MBNL2: variants seen among roughly 807,000 people sequenced by gnomAD.
MBNL2 encodes the protein muscleblind like splicing regulator 2.
MBNL2 carries 17 observed loss-of-function variants against 41.9 expected under a neutral mutation model. The observed-to-expected ratio is 0.41, with a 90% confidence interval of 0.28 to 0.61. MBNL2 has a LOEUF of 0.61. Ranked by LOEUF, MBNL2 falls within the 20% of genes least tolerant of loss-of-function variation. The pLI is 0.35. For missense variants in MBNL2, 336 were observed against 505.6 expected (o/e 0.66, Z 3.22); for synonymous variants, 195 against 182.9 (o/e 1.07, Z -0.53).
At chr13:97,287,369 G>A (rs183640814) in intron 2 of MBNL2, among the ~76,000 whole-genome samples, 64 of 152,292 alleles carry the variant, frequency 4.2e-4, no homozygotes, top group African/African-American at 1.5e-3. Context: ...TCTCATTAAA[G>A]TAAATTCATT....
the MBNL2 span, among the ~76,000 whole-genome samples, chr13:97,189,147 G>C: frequency 6.6e-6 from 1 of 151,944 alleles, no homozygotes; most frequent in African/African-American, 2.4e-5. Flanking sequence ...CCTAACCTCA[G>C]CCTCCCAAAA....
intron 1 of MBNL2, among the ~76,000 whole-genome samples, chr13:97,236,701 C>T (rs1482819550): frequency 6.6e-6 from 1 of 152,060 alleles, no homozygotes; most frequent in Non-Finnish European, 1.5e-5. Context: ...TCTGTTCCCG[C>T]CTATAATCAG....
At chr13:97,202,116 C>T in the MBNL2 span, among the ~76,000 whole-genome samples, 2 of 152,102 alleles carry the variant, frequency 1.3e-5, no homozygotes, top group African/African-American at 4.8e-5. Flanking sequence ...TTTAGAAATA[C>T]ATATTGAAAT....
In MBNL2 at chr13:97,247,177, TTAAC is replaced by T. The variant is rs529866029; in HGVS notation, c.-605+24651_-605+24654del. ...AAAGATAATAATTGTATTAAAAATT[TTAAC>T]TAACACATGAAGAGAGCTTCGAGAT... On this transcript the variant is annotated intron_variant, in intron 1 of 8. Transcript: ENST00000679496. 3.3e-4 allele frequency among the ~76,000 whole-genome samples: 50 copies of T among 152,344 alleles called. No individual in the cohort carries two copies. The South Asian group carries it at 8.5e-3, about 26-fold the overall frequency.
At chr13:97,239,204 A>G (rs2043826469) in intron 1 of MBNL2, among the ~76,000 whole-genome samples, 1 of 152,224 alleles carries the variant, frequency 6.6e-6, no homozygotes. Flanking sequence ...TTTTCCCTTC[A>G]TACTACAGGG....
At chr13:97,212,688 T>C in the MBNL2 span, among the ~76,000 whole-genome samples, 10 of 152,142 alleles carry the variant, frequency 6.6e-5, no homozygotes, top group Admixed American at 5.2e-4. Context: ...ATAATAATAG[T>C]GTCATGGATT....
chr13:97,322,803 A>G (rs1299401270), intron 2 of MBNL2, among the ~76,000 whole-genome samples: 1 of 152,154 alleles, frequency 6.6e-6, no homozygotes, highest in African/African-American at 2.4e-5. Context: ...ACCAGCAACC[A>G]AGGCACTCTG....
chr13:97,188,556 A>G, the MBNL2 span, among the ~76,000 whole-genome samples: 2 of 151,982 alleles, frequency 1.3e-5, no homozygotes, highest in African/African-American at 2.4e-5. Flanking sequence ...TGAATCAACC[A>G]GCTGAGTGAA....
chr13:97,274,837 G>A (rs1234239574), intron 1 of MBNL2, among the ~76,000 whole-genome samples: 2 of 152,198 alleles, frequency 1.3e-5, no homozygotes, highest in Non-Finnish European at 2.9e-5. Flanking sequence ...GTAGCCATGT[G>A]TTTTAACTCC....
In MBNL2 at chr13:97,252,511, A is replaced by AT. The variant is rs1594097300; in HGVS notation, c.-604-23120dup. On this transcript the variant is annotated intron_variant, in intron 1 of 8. Transcript: ENST00000679496. ...TTTTAGATGACAAGAATCTACAAAT[A>AT]TCTTTCAATTATATTCAAATATTAT... Among the ~76,000 whole-genome samples, 5 of 152,376 alleles carry AT rather than the reference A, an allele frequency of 3.3e-5. No homozygotes were observed. In the East Asian group the frequency reaches 9.6e-4, roughly 29 times the overall value.
chr13:97,231,271 T>C (rs1355554020), intron 1 of MBNL2, among the ~76,000 whole-genome samples: 2 of 152,260 alleles, frequency 1.3e-5, no homozygotes, highest in African/African-American at 2.4e-5. Context: ...AACTCTCATG[T>C]GCCTGCGAAT....
At chr13:97,327,443 C>T (rs1363316145) in intron 2 of MBNL2, among the ~76,000 whole-genome samples, 1 of 151,254 alleles carries the variant, frequency 6.6e-6, no homozygotes. Flanking sequence ...TACGTTTCTT[C>T]CTGAGCAACT....
In MBNL2 at chr13:97,353,739, C is replaced by A. The variant is rs556775356; in HGVS notation, c.805-3057C>A. 2.6e-5 allele frequency among the ~76,000 whole-genome samples: 4 copies of A among 152,258 alleles called. No homozygotes were observed. The East Asian group carries it at 5.8e-4, about 22-fold the overall frequency. ...AGTGTTAACACAAAAGGTGTCTGAT[C>A]TTCATACAAGCAATCTTTGCTCACA... On this transcript the variant is annotated intron_variant, in intron 5 of 8. Transcript: ENST00000679496.
intron 5 of MBNL2, 90 bp from the exon 6 acceptor site, chr13:97,356,706 T>C (rs2153105936): frequency 1.6e-6 from 1 of 633,070 alleles, no homozygotes; most frequent in East Asian, 5.7e-5. Context: ...GTTCCCATGA[T>C]GCACCTCTGC....
chr13:97,299,373 G>C (rs938403195), intron 2 of MBNL2, among the ~76,000 whole-genome samples: 3 of 152,068 alleles, frequency 2.0e-5, no homozygotes, highest in Non-Finnish European at 4.4e-5. Context: ...GAGAGAGAGA[G>C]GAGACAGACA....
the MBNL2 span, among the ~76,000 whole-genome samples, chr13:97,149,869 C>T: frequency 2.0e-5 from 3 of 152,202 alleles, no homozygotes; most frequent in Admixed American, 2.0e-4. Flanking sequence ...GCCTCTCCCT[C>T]CTCTCTCTGC....
At chr13:97,265,628 A>G (rs757868200) in intron 1 of MBNL2, among the ~76,000 whole-genome samples, 2 of 152,126 alleles carry the variant, frequency 1.3e-5, no homozygotes, top group Non-Finnish European at 2.9e-5. Flanking sequence ...TTTTAGTAAA[A>G]AAGTTATTTC....
intron 1 of MBNL2, among the ~76,000 whole-genome samples, chr13:97,247,884 C>T (rs72637446): frequency 3.0e-4 from 45 of 152,326 alleles, no homozygotes; most frequent in Non-Finnish European, 4.4e-4. Flanking sequence ...CTACTCAACA[C>T]TTTCTCCCCA....
chr13:97,389,698 C>T (rs1306006550), intron 8 of MBNL2, among the ~76,000 whole-genome samples: 3 of 149,870 alleles, frequency 2.0e-5, no homozygotes, highest in Non-Finnish European at 3.0e-5. Flanking sequence ...AGAGGGAGAC[C>T]CTGTCTCAAA....
Sources: allele counts gnomAD v4.1 joint callset (sites outside exome capture counted in the v4.1 genomes callset), GRCh38; gene constraint gnomAD v4.1.1; transcripts MANE v1.5; gene names NCBI Gene and HGNC (gene_info 2026-07-23, HGNC 2026-07-21).